Variants in HS1BP3 observed in about 807,000 individuals in gnomAD.
HS1BP3 encodes HCLS1-binding protein 3.
HS1BP3 carries 32 observed loss-of-function variants against 33.5 expected under a neutral mutation model. The observed-to-expected ratio is 0.95, with a 90% CI of 0.72 to 1.28. HS1BP3 has a LOEUF of 1.28. Ranked by LOEUF, HS1BP3 falls within the 50% of genes most tolerant of loss-of-function variation. The pLI is 0.00. For missense variants in HS1BP3, 486 were observed against 502.3 expected (o/e 0.97, Z 0.31); for synonymous variants, 187 against 209.2 (o/e 0.89, Z 0.92).
intron 5 of HS1BP3, among the ~76,000 whole-genome samples, chr2:20,567,322 G>C (rs887730092): frequency 2.0e-5 from 3 of 152,222 alleles, no homozygotes; most frequent in Non-Finnish European, 4.4e-5. Flanking sequence ...GGGGGCAGAA[G>C]CTGGGGGCAT....
At chr2:20,576,918 A>G (rs187738497) in intron 5 of HS1BP3, among the ~76,000 whole-genome samples, 1 of 152,378 alleles carries the variant, frequency 6.6e-6, no homozygotes, top group Non-Finnish European at 1.5e-5. Context: ...CCTTTTGGTC[A>G]GTGGCAAACA....
rs1048267327 is a variant in HS1BP3 at position 20,619,024 on chromosome 2, T to G, written c.1142A>C (p.His381Pro). The change falls in exon 7 of 7, where the codon CAC becomes CCC. Residue 381 changes from histidine to proline, a missense_variant. By Grantham distance (77) the His-to-Pro change is moderately conservative (BLOSUM62 -2). Transcript: ENST00000304031. ...GGGGGCGGCCTGGGCTGGTGTATCGTGGTCCTGGATGTACTGCAAGATGTC... is the reference window on the plus strand; with the variant it reads ...GGGGGCGGCCTGGGCTGGTGTATCGGGGTCCTGGATGTACTGCAAGATGTC... ...EMDILQYIQD[H>P]DTPAQAAPSL... is the part of the protein sequence containing the mutation. 3.1e-6 allele frequency: 5 copies of G among 1,614,012 alleles called. No individual in the cohort carries two copies. The highest frequency in any genetic ancestry group is 1.3e-5 in the African/African-American group (1 of 74,916).
intron 5 of HS1BP3, among the ~76,000 whole-genome samples, chr2:20,570,855 G>C (rs189545095): frequency 1.3e-5 from 2 of 152,294 alleles, no homozygotes; most frequent in East Asian, 1.9e-4. Flanking sequence ...TTGCATAAAG[G>C]GTCACTGTTT....
chr2:20,622,422 C>T, intron 6 of HS1BP3: 2 of 848,630 alleles, frequency 2.4e-6, no homozygotes, highest in Non-Finnish European at 3.4e-6. Context: ...AGGGACTCCC[C>T]AAGCGCTCTG....
intron 4 of HS1BP3, among the ~76,000 whole-genome samples, chr2:20,632,784 C>T (rs146166624): frequency 6.6e-6 from 1 of 152,320 alleles, no homozygotes; most frequent in African/African-American, 2.4e-5. Context: ...CAGGGGCTGC[C>T]CCACCTCCAG....
At position 20,597,018 on chromosome 2, in the gene HS1BP3, G is replaced by A. The variant is rs142747031; in HGVS notation, c.*12+1190C>T. On this transcript the variant is annotated intron_variant, in intron 3 of 3. Transcript: ENST00000415264. ...CATTAAGGCCACATAAAAGGCCTGA[G>A]CTGGAGTCATCTCTAATCCCTCCTT... Among the ~76,000 whole-genome samples the A allele has an allele frequency of 3.8e-3, 576 of 152,350 alleles. 7 individuals are homozygous for A. Among genetic ancestry groups the A allele is most frequent in the African/African-American group, 0.014 (564 of 41,580 alleles).
At chr2:20,631,413 G>C (rs1694962988) in intron 4 of HS1BP3, among the ~76,000 whole-genome samples, 2 of 151,008 alleles carry the variant, frequency 1.3e-5, no homozygotes, top group African/African-American at 4.9e-5. Context: ...TATTTGAGAG[G>C]CTGAGGTGGG....
intron 4 of HS1BP3, among the ~76,000 whole-genome samples, chr2:20,629,306 G>GTCC (rs374778522): frequency 6.6e-6 from 1 of 152,088 alleles, no homozygotes; most frequent in Non-Finnish European, 1.5e-5. Flanking sequence ...CTCCTCCCTG[G>GTCC]TCCTCCTCCT....
intron 5 of HS1BP3, among the ~76,000 whole-genome samples, chr2:20,577,048 G>A (rs1403604246): frequency 6.6e-6 from 1 of 152,156 alleles, no homozygotes; most frequent in African/African-American, 2.4e-5. Flanking sequence ...GAAATTTATG[G>A]GAGAATTTAC....
At chr2:20,644,527 G>A (rs11892050) in intron 2 of HS1BP3, among the ~76,000 whole-genome samples, 26,494 of 152,184 alleles carry the variant, frequency 0.17, 2,702 homozygotes, top group African/African-American at 0.29. Flanking sequence ...TGCCCCCTAG[G>A]TCTGCTCCTC....
intron 5 of HS1BP3, among the ~76,000 whole-genome samples, chr2:20,563,864 C>T (rs1284847637): frequency 6.6e-6 from 1 of 152,166 alleles, no homozygotes; most frequent in African/African-American, 2.4e-5. Flanking sequence ...GTCTCAGGCC[C>T]CACCCCAGAC....
chr2:20,650,979 C>T (rs1023442984), intron 1 of HS1BP3, 53 bp downstream of exon 1: 4 of 1,227,694 alleles, frequency 3.3e-6, no homozygotes, highest in African/African-American at 3.1e-5. Flanking sequence ...CCTCTCCGCC[C>T]GGGCGCCCCG....
At position 20,619,207 on chromosome 2, in the gene HS1BP3, G is replaced by A; in HGVS notation, c.959C>T (p.Ala320Val). 1 of 1,612,958 alleles carries A rather than the reference G, an allele frequency of 6.2e-7. No individual in the cohort carries two copies. ...AAGCTGGGGCTTGGGTTTGGGCTCAGCTCCCAGGTTCAGAATCTGGTCCAA... is the reference window on the plus strand; with the variant it reads ...AAGCTGGGGCTTGGGTTTGGGCTCAACTCCCAGGTTCAGAATCTGGTCCAA... ...EDLDQILNLG[A>V]EPKPKPQLKP... Residue 320 changes from alanine to valine, a missense_variant, in exon 7 of 7, where the codon GCT becomes GTT. Physicochemically the swap from Ala to Val is moderately conservative, Grantham distance 64. Transcript: ENST00000304031.
At chr2:20,589,244 G>A (rs1228983732), downstream of HS1BP3, among the ~76,000 whole-genome samples, 1 of 152,214 alleles carries the variant, frequency 6.6e-6, no homozygotes, top group African/African-American at 2.4e-5. Flanking sequence ...TGTGGTCACT[G>A]CCAGGGCCTT....
In HS1BP3 at chr2:20,571,373, C is replaced by A. The variant is rs565119081; in HGVS notation, c.303-10858G>T. Reference sequence around the variant, plus strand: ...CACAGCCTGAGCCCCGGGGCCACCCCATGCACCTCCAGACTCTTGGAGCCA... The same window carrying A: ...CACAGCCTGAGCCCCGGGGCCACCCAATGCACCTCCAGACTCTTGGAGCCA... On this transcript the variant is annotated intron_variant, in intron 5 of 5. Coordinates refer to the HS1BP3 transcript ENST00000446825. Among the ~76,000 whole-genome samples, 7 of 152,328 alleles carry A rather than the reference C, an allele frequency of 4.6e-5. No individual in the cohort carries two copies. The South Asian group carries it at 1.4e-3, about 32-fold the overall frequency.
At position 20,593,148 on chromosome 2, in the gene HS1BP3, C is replaced by T. The variant is rs116743978; in HGVS notation, c.*13-354G>A. On this transcript the variant is annotated intron_variant, in intron 3 of 3. Coordinates refer to the HS1BP3 transcript ENST00000415264. ...AGGGCCTTGGCAGATGCTGGCCTTT[C>T]CCCCAGGGTCCACACGCTTCCTCCA... 5.7e-3 allele frequency among the ~76,000 whole-genome samples: 865 copies of T among 151,322 alleles called. 2 individuals carry two copies. Among genetic ancestry groups the T allele is most frequent in the Middle Eastern group, 0.027 (8 of 292 alleles).
chr2:20,575,681 C>T (rs1451367548), intron 5 of HS1BP3, among the ~76,000 whole-genome samples: 2 of 152,220 alleles, frequency 1.3e-5, no homozygotes, highest in African/African-American at 4.8e-5. Context: ...CCCGGCATTC[C>T]TTATCCACGG....
chr2:20,566,229 T>A (rs1425999266), intron 5 of HS1BP3, among the ~76,000 whole-genome samples: 1 of 152,224 alleles, frequency 6.6e-6, no homozygotes, highest in Non-Finnish European at 1.5e-5. Context: ...GAGTTCAAGA[T>A]GTTTCCCCTA....
At chr2:20,628,702 G>C (rs141373512) in intron 4 of HS1BP3, among the ~76,000 whole-genome samples, 1 of 152,134 alleles carries the variant, frequency 6.6e-6, no homozygotes, top group Non-Finnish European at 1.5e-5. Context: ...AGAGCACAGA[G>C]GACAGAGCCA....
Sources: gnomAD v4.1 joint callset for allele counts (sites outside exome capture counted in the v4.1 genomes callset) on GRCh38, gnomAD v4.1.1 for gene constraint, MANE v1.5 for transcripts, NCBI Gene and HGNC (gene_info 2026-07-23, HGNC 2026-07-21) for gene names.